GPR35: variants seen among roughly 807,000 people sequenced by gnomAD.
GPR35 encodes KYNA receptor.
For synonymous variants in GPR35, 207 were observed against 198.4 expected, an observed-to-expected ratio of 1.04 and a Z score of -0.36; for missense variants, 372 against 422.5, an observed-to-expected ratio of 0.88 and a Z score of 1.05.
chr2:240,614,080 C>A (rs531612328), intron 2 of GPR35, among the ~76,000 whole-genome samples: 1 of 151,996 alleles, frequency 6.6e-6, no homozygotes, highest in South Asian at 2.1e-4. Context: ...CTCATGTGGA[C>A]CCGAACCCTA....
At chr2:240,616,034 GA>G (rs1391553974) in intron 2 of GPR35, among the ~76,000 whole-genome samples, 1 of 152,216 alleles carries the variant, frequency 6.6e-6, no homozygotes, top group Admixed American at 6.5e-5. Flanking sequence ...TCCTGCCCCA[GA>G]CGGCACTTTC....
chr2:240,624,019 G>T (rs1259545164), upstream of GPR35, among the ~76,000 whole-genome samples: 5 of 150,692 alleles, frequency 3.3e-5, no homozygotes, highest in Middle Eastern at 3.4e-3. Flanking sequence ...TGGGGGGGGT[G>T]GGGGAGCTCT....
At chr2:240,618,844 C>G (rs1403294773) in intron 4 of GPR35, 1 of 607,378 alleles carries the variant, frequency 1.6e-6, no homozygotes, top group Non-Finnish European at 3.0e-6. Flanking sequence ...CTGGAGATGA[C>G]CATATGACAG....
At chr2:240,628,399 G>C (rs1440754834) in intron 1 of GPR35, 1 of 152,250 alleles carries the variant, frequency 6.6e-6, no homozygotes, top group Non-Finnish European at 1.5e-5. Flanking sequence ...AGACCACTGG[G>C]CGTGCAGCAC....
At chr2:240,626,905 C>T (rs563961142) in intron 1 of GPR35, among the ~76,000 whole-genome samples, 98 of 152,276 alleles carry the variant, frequency 6.4e-4, no homozygotes, top group Admixed American at 2.7e-3. Flanking sequence ...CTGGATCGCC[C>T]GTCTATGGCC....
At chr2:240,623,628 G>A (rs566915781), upstream of GPR35, among the ~76,000 whole-genome samples, 212 of 152,286 alleles carry the variant, frequency 1.4e-3, 1 homozygote, top group Non-Finnish European at 1.9e-3. Context: ...GGCAGAGCAC[G>A]AGGGCCCAGG....
At chr2:240,623,303 A>T (rs11889778), upstream of GPR35, among the ~76,000 whole-genome samples, 1 of 97,964 alleles carries the variant, frequency 1.0e-5, no homozygotes, top group East Asian at 4.3e-4. Context: ...GAAACAGGTC[A>T]TGAGGGCGCA....
chr2:240,618,246 C>T (rs961984850), intron 4 of GPR35, among the ~76,000 whole-genome samples: 2 of 152,204 alleles, frequency 1.3e-5, no homozygotes, highest in Admixed American at 1.3e-4. Context: ...GTAACACACA[C>T]AATATTTTCA....
intron 1 of GPR35, chr2:240,629,298 C>T (rs927328823): frequency 6.6e-6 from 1 of 152,424 alleles, no homozygotes; most frequent in Non-Finnish European, 1.5e-5. Flanking sequence ...AGGTGTGGGA[C>T]TGGGATGGGG....
At chr2:240,608,145 G>A (rs896004963) in intron 2 of GPR35, among the ~76,000 whole-genome samples, 4 of 152,148 alleles carry the variant, frequency 2.6e-5, no homozygotes, top group Non-Finnish European at 5.9e-5. Flanking sequence ...TCTCACTTCA[G>A]CCTCCCCACA....
At chr2:240,628,677 G>A (rs2043405003) in intron 1 of GPR35, 1 of 152,264 alleles carries the variant, frequency 6.6e-6, no homozygotes, top group Non-Finnish European at 1.5e-5. Flanking sequence ...GGGACCTTTT[G>A]TGCTCCTCTG....
chr2:240,610,878 C>T (rs1260395893), intron 2 of GPR35, among the ~76,000 whole-genome samples: 1 of 151,862 alleles, frequency 6.6e-6, no homozygotes, highest in Non-Finnish European at 1.5e-5. Flanking sequence ...TCGTGATCTG[C>T]CTGTCTCGGC....
rs1181887281 is a variant in GPR35 at position 240,631,816 on chromosome 2, A to G, written c.*934A>G. Reference sequence around the variant, plus strand: ...AGACCTCCTGTGAGTGTGGGCCAGCACGGCCTGGGCTCAAACCCCATCCTG... The same window carrying G: ...AGACCTCCTGTGAGTGTGGGCCAGCGCGGCCTGGGCTCAAACCCCATCCTG... On this transcript the variant is annotated 3_prime_UTR_variant, in exon 2 of 2. Transcript: ENST00000407714. Among the ~76,000 whole-genome samples the G allele has an allele frequency of 1.3e-5, 2 of 152,228 alleles. No individual in the cohort carries two copies. Among genetic ancestry groups the G allele is most frequent in the Admixed American group, 6.5e-5 (1 of 15,292 alleles).
Position 240,631,091 on chromosome 2 carries a change from C to G in GPR35, c.*209C>G, listed in dbSNP as rs941001352. On this transcript the variant is annotated 3_prime_UTR_variant, in exon 2 of 2. Coordinates refer to ENST00000407714, the MANE Select transcript of GPR35 (RefSeq NM_005301.5). ...GGGACAAGGGCAAGAGGACTGAGGC[C>G]AGAGCAAGGCCAATGTCAGAGACCC... 31 of 598,826 alleles carry G rather than the reference C, an allele frequency of 5.2e-5. No homozygotes were observed. The Middle Eastern group carries it at 1.4e-3, about 26-fold the overall frequency. The allele number at this position is 598,826 out of a possible 1,614,324, so 37.1% of individuals were successfully genotyped here.
In GPR35 at chr2:240,629,980, T is replaced by C. The variant is rs1023562667; in HGVS notation, c.28T>C (p.Ser10Pro). MNGTYNTCG[S>P]SDLTWPPAIK... is the part of the protein sequence containing the mutation. Reference sequence around the variant, plus strand: ...GAATGGCACCTACAACACCTGTGGCTCCAGCGACCTCACCTGGCCCCCAGC... The same window carrying C: ...GAATGGCACCTACAACACCTGTGGCCCCAGCGACCTCACCTGGCCCCCAGC... The change falls in exon 2 of 2, where the codon TCC (serine) becomes CCC (proline). Residue 10 changes from serine to proline, a missense_variant. Physicochemically the swap from Ser to Pro is moderately conservative, Grantham distance 74. Coordinates refer to ENST00000407714, the MANE Select transcript of GPR35 (RefSeq NM_005301.5). 2 of 1,608,236 alleles carry C rather than the reference T, an allele frequency of 1.2e-6. No individual in the cohort carries two copies. Among genetic ancestry groups the C allele is most frequent in the Admixed American group, 1.7e-5 (1 of 59,940 alleles).
intron 2 of GPR35, among the ~76,000 whole-genome samples, chr2:240,613,747 G>A (rs1010421443): frequency 2.0e-5 from 3 of 150,396 alleles, no homozygotes; most frequent in Admixed American, 1.3e-4. Flanking sequence ...ATATGGACCC[G>A]AACCCTAACC....
At chr2:240,612,515 G>A (rs2043192859) in intron 2 of GPR35, among the ~76,000 whole-genome samples, 1 of 151,900 alleles carries the variant, frequency 6.6e-6, no homozygotes, top group Non-Finnish European at 1.5e-5. Context: ...CCTGTCAGCT[G>A]TGCTCTGGGC....
intron 2 of GPR35, among the ~76,000 whole-genome samples, chr2:240,611,701 T>A (rs1388311746): frequency 6.6e-6 from 1 of 152,156 alleles, no homozygotes; most frequent in Admixed American, 6.5e-5. Context: ...TTTGGACAAG[T>A]TGCATTTAAA....
chr2:240,614,026 T>A lies in GPR35; in HGVS notation c.-576-2362T>A, dbSNP rs73005872. Among the ~76,000 whole-genome samples, 3 of 149,434 alleles carry A rather than the reference T, an allele frequency of 2.0e-5. No homozygotes were observed. In the East Asian group the frequency reaches 6.1e-4, roughly 31 times the overall value. On this transcript the variant is annotated intron_variant, in intron 2 of 5. Transcript: ENST00000319838. ...ACCCTATCCCGAGCCCTAAACCTAA[T>A]TAACAATGCCTCATGTGGGCCCTAA...
Sources: gnomAD v4.1 joint callset for allele counts (sites outside exome capture counted in the v4.1 genomes callset) on GRCh38, gnomAD v4.1.1 for gene constraint, MANE v1.5 for transcripts, NCBI Gene and HGNC (gene_info 2026-07-23, HGNC 2026-07-21) for gene names.